The following WDPCP variants were observed in gnomAD, a reference collection of about 807,000 sequenced individuals.
The protein encoded by WDPCP is WD repeat-containing and planar cell polarity effector protein fritz homolog.
WDPCP carries 71 observed loss-of-function variants against 93.1 expected under a neutral mutation model. The observed-to-expected ratio is 0.76, with a 90% CI of 0.63 to 0.93. The LOEUF (loss-of-function observed/expected upper bound fraction) is 0.93, where lower values mean the gene tolerates loss of function less well. Among genes scored for constraint, WDPCP ranks in the 40% least tolerant of loss-of-function variants. The pLI is 0.00. For synonymous variants in WDPCP, 315 were observed against 315.0 expected, an observed-to-expected ratio of 1.00 and a Z score of 0.00; for missense variants, 844 against 887.4, an observed-to-expected ratio of 0.95 and a Z score of 0.62.
chr2:63,623,192 A>T (rs1709768641), intron 3 of WDPCP, among the ~76,000 whole-genome samples: 1 of 152,238 alleles, frequency 6.6e-6, no homozygotes, highest in Admixed American at 6.5e-5. Flanking sequence ...AGGAAGCACT[A>T]AATATGGAAA....
intron 9 of WDPCP, among the ~76,000 whole-genome samples, chr2:63,423,350 T>C (rs1404993098): frequency 1.3e-5 from 2 of 152,254 alleles, no homozygotes; most frequent in African/African-American, 4.8e-5. Context: ...GATGCATTTA[T>C]AATGCCTTCT....
rs562418560 is a variant in WDPCP, at chr2:63,426,206, G to A, written c.825+7539C>T. Among the ~76,000 whole-genome samples the A allele has an allele frequency of 3.3e-5, 5 of 152,264 alleles. No homozygotes were observed. The South Asian group carries it at 1.0e-3, about 32-fold the overall frequency. ...ATTACAAAAATTAGCTGGGCGTGGT[G>A]GCGCACACCTGTAGTCCCAGCTACT... On this transcript the variant is annotated intron_variant, in intron 9 of 17. Coordinates refer to ENST00000272321, the MANE Select transcript of WDPCP (RefSeq NM_015910.7).
chr2:63,532,638 C>T (rs1306492685), intron 1 of WDPCP, among the ~76,000 whole-genome samples: 5 of 152,080 alleles, frequency 3.3e-5, no homozygotes, highest in Middle Eastern at 3.2e-3. Flanking sequence ...GAAATAAAAG[C>T]CTTTACAGAC....
At chr2:63,730,345 G>A (rs968330778) in intron 2 of WDPCP, among the ~76,000 whole-genome samples, 16 of 152,206 alleles carry the variant, frequency 1.1e-4, no homozygotes, top group Admixed American at 9.8e-4. Flanking sequence ...TTCTCCCTTC[G>A]GTTTCTGGAG....
intron 8 of WDPCP, among the ~76,000 whole-genome samples, chr2:63,434,208 C>A (rs1270270507): frequency 6.6e-6 from 1 of 152,098 alleles, no homozygotes; most frequent in Non-Finnish European, 1.5e-5. Context: ...CCAATCAATA[C>A]CAAAATGTAC....
intron 2 of WDPCP, among the ~76,000 whole-genome samples, chr2:63,809,826 GT>G (rs1203343684): frequency 9.9e-5 from 15 of 152,004 alleles, no homozygotes; most frequent in African/African-American, 2.4e-5. Context: ...TTGTTCACTT[GT>G]TTATCTGCTG....
intron 3 of WDPCP, chr2:63,643,848 G>A (rs1379028872): frequency 1.3e-5 from 7 of 541,446 alleles, no homozygotes; most frequent in Non-Finnish European, 1.9e-5. Flanking sequence ...ATAAACCACT[G>A]CATGCAAATC....
At chr2:63,804,816 T>C (rs770160066) in intron 2 of WDPCP, among the ~76,000 whole-genome samples, 1 of 151,384 alleles carries the variant, frequency 6.6e-6, no homozygotes, top group Non-Finnish European at 1.5e-5. Context: ...GATCACAAGG[T>C]TAAGAGCTCG....
intron 17 of WDPCP, among the ~76,000 whole-genome samples, chr2:63,127,327 G>A (rs965211024): frequency 4.0e-5 from 6 of 151,762 alleles, no homozygotes; most frequent in Non-Finnish European, 7.4e-5. Flanking sequence ...GTTTCACCAT[G>A]TTGGCCAGGA....
chr2:63,238,066 C>G (rs1679556786), intron 14 of WDPCP, among the ~76,000 whole-genome samples: 1 of 151,386 alleles, frequency 6.6e-6, no homozygotes, highest in African/African-American at 2.4e-5. Context: ...AGATGACATG[C>G]CCAAAATGGC....
At chr2:63,708,410 A>G (rs1669202413) in intron 2 of WDPCP, among the ~76,000 whole-genome samples, 1 of 152,204 alleles carries the variant, frequency 6.6e-6, no homozygotes, top group African/African-American at 2.4e-5. Flanking sequence ...CTCCGTGGGC[A>G]TAGGACCTTC....
intron 12 of WDPCP, among the ~76,000 whole-genome samples, chr2:63,354,025 C>T (rs915045319): frequency 2.0e-5 from 3 of 152,170 alleles, no homozygotes; most frequent in Non-Finnish European, 4.4e-5. Context: ...CCTTCAGGGG[C>T]AACTGAAAGC....
In WDPCP at chr2:63,162,012, T is replaced by C. The variant is rs145966200; in HGVS notation, c.2079-8438A>G. On this transcript the variant is annotated intron_variant, in intron 15 of 17. Transcript: ENST00000272321. ...CTTGAACTCCTGACCTCAAGTGATC[T>C]GTGTGCCTCAGCATCCCAAAATGCT... Among the ~76,000 whole-genome samples the C allele has an allele frequency of 1.8e-3, 274 of 152,246 alleles. 2 individuals carry two copies. The highest frequency in any genetic ancestry group is 6.2e-3 in the African/African-American group (257 of 41,554).
chr2:63,558,656 C>G (rs1046050805), intron 1 of WDPCP, among the ~76,000 whole-genome samples: 21 of 141,978 alleles, frequency 1.5e-4, no homozygotes, highest in African/African-American at 5.3e-4. Flanking sequence ...ATAAACACCT[C>G]TACGCAAATA....
chr2:63,779,663 G>A (rs930973729), intron 2 of WDPCP, among the ~76,000 whole-genome samples: 1 of 152,070 alleles, frequency 6.6e-6, no homozygotes, highest in African/African-American at 2.4e-5. Flanking sequence ...CAGAGAAGAG[G>A]GCTTGATGTT....
At chr2:63,531,073 C>T (rs1489247833) in intron 1 of WDPCP, among the ~76,000 whole-genome samples, 1 of 152,258 alleles carries the variant, frequency 6.6e-6, no homozygotes, top group East Asian at 1.9e-4. Flanking sequence ...CCCACGCCCA[C>T]GGCGCCTTGC....
At chr2:63,595,100 G>T in intron 3 of WDPCP, 1 of 375,124 alleles carries the variant, frequency 2.7e-6, no homozygotes, top group Non-Finnish European at 5.0e-6. Context: ...AGCTTTCCAT[G>T]AACTGAAATC....
At chr2:63,326,026 T>C (rs937447728) in intron 12 of WDPCP, among the ~76,000 whole-genome samples, 9 of 152,180 alleles carry the variant, frequency 5.9e-5, no homozygotes, top group Admixed American at 2.0e-4. Flanking sequence ...GCGGTGGCTG[T>C]CTTAGTGTCA....
chr2:63,810,148 C>T (rs896701736), intron 2 of WDPCP, among the ~76,000 whole-genome samples: 4 of 152,178 alleles, frequency 2.6e-5, no homozygotes, highest in Non-Finnish European at 5.9e-5. Context: ...TGGTTTTATA[C>T]TTCACTGGGC....
Sources: gnomAD v4.1 joint callset for allele counts (sites outside exome capture counted in the v4.1 genomes callset) on GRCh38, gnomAD v4.1.1 for gene constraint, MANE v1.5 for transcripts, NCBI Gene and HGNC (gene_info 2026-07-23, HGNC 2026-07-21) for gene names.